GLP2R: variants seen among roughly 807,000 people sequenced by gnomAD.
GLP2R encodes glucagon like peptide 2 receptor, also known as glucagon-like peptide 2 receptor.
Under a neutral mutation model 68.2 loss-of-function variants are expected in GLP2R, and 59 were observed. The observed-to-expected ratio is 0.87, with a 90% confidence interval of 0.70 to 1.07. The LOEUF is 1.07. GLP2R is among the 50% of genes least tolerant of loss of function. The pLI is 0.00. For synonymous variants in GLP2R, 270 were observed against 265.4 expected (o/e 1.02, Z -0.17); for missense variants, 548 against 677.4 (o/e 0.81, Z 2.12).
At chr17:9,831,812 G>A (rs745916175) in intron 1 of GLP2R, among the ~76,000 whole-genome samples, 7 of 152,164 alleles carry the variant, frequency 4.6e-5, no homozygotes, top group Non-Finnish European at 1.0e-4. Context: ...AAGGAAGACA[G>A]GGTTGGACAG....
At chr17:9,851,399 C>T (rs1348858394) in intron 4 of GLP2R, among the ~76,000 whole-genome samples, 7 of 151,964 alleles carry the variant, frequency 4.6e-5, no homozygotes, top group Admixed American at 3.9e-4. Flanking sequence ...AATTGACACC[C>T]TATTTGTGAA....
chr17:9,866,133 C>G (rs1044056694), intron 9 of GLP2R: 1 of 334,532 alleles, frequency 3.0e-6, no homozygotes, highest in African/African-American at 2.2e-5. Context: ...AAAGGCCATG[C>G]AGAAAGAAGT....
chr17:9,864,242 C>G (rs953707648), intron 9 of GLP2R, among the ~76,000 whole-genome samples: 1 of 152,226 alleles, frequency 6.6e-6, no homozygotes, highest in Admixed American at 6.5e-5. Flanking sequence ...GCACCAGCAT[C>G]GCCTGAGCGC....
At chr17:9,868,529 TG>T (rs2067062022) in intron 9 of GLP2R, among the ~76,000 whole-genome samples, 1 of 152,178 alleles carries the variant, frequency 6.6e-6, no homozygotes, top group Non-Finnish European at 1.5e-5. Context: ...AGGAGTTGGC[TG>T]GGTTCTTGGA....
chr17:9,852,102 G>A (rs989454842), intron 4 of GLP2R, among the ~76,000 whole-genome samples: 12 of 150,668 alleles, frequency 8.0e-5, no homozygotes, highest in African/African-American at 4.9e-5. Context: ...TGTGCAGAAC[G>A]GGCAGGTTTG....
Position 9,825,987 on chromosome 17 carries a change from T to C in GLP2R, c.-77T>C. The C allele has an allele frequency of 8.5e-7, 1 of 1,180,884 alleles. No homozygotes were observed. Among genetic ancestry groups the C allele is most frequent in the Admixed American group, 2.4e-5 (1 of 41,048 alleles). The allele number at this position is 1,180,884 out of a possible 1,614,324, so 73.2% of individuals were successfully genotyped here. A position where few individuals can be genotyped will look rare whatever the true frequency, so the allele number is the denominator to read the frequency against. On this transcript the variant is annotated 5_prime_UTR_variant, in exon 1 of 13. The change abolishes an upstream ATG in the 5' untranslated region. Coordinates refer to ENST00000262441, the MANE Select transcript of GLP2R (RefSeq NM_004246.3). ...CATTTCCTCTGTGGACCAAGAGGAA[T>C]GCAAGAGGAGGCTGCCTGCGGTGCA...
chr17:9,859,876 C>T (rs2066970985), intron 6 of GLP2R, 66 bp from the exon 7 acceptor site: 1 of 940,412 alleles, frequency 1.1e-6, no homozygotes, highest in Non-Finnish European at 1.5e-6. Context: ...GGAGGCCCTT[C>T]TCCCCCGACT....
At chr17:9,881,124 G>A (rs1315245137) in intron 11 of GLP2R, among the ~76,000 whole-genome samples, 2 of 152,264 alleles carry the variant, frequency 1.3e-5, no homozygotes, top group Middle Eastern at 3.4e-3. Context: ...ACCTAGTAGG[G>A]ATGGCTAACC....
At chr17:9,841,055 C>T (rs1200525795) in intron 3 of GLP2R, among the ~76,000 whole-genome samples, 2 of 146,326 alleles carry the variant, frequency 1.4e-5, no homozygotes, top group Non-Finnish European at 3.0e-5. Flanking sequence ...CTCCCTCTGT[C>T]ACCCAGGCTA....
At chr17:9,875,537 G>A (rs2067135431) in intron 10 of GLP2R, among the ~76,000 whole-genome samples, 2 of 152,222 alleles carry the variant, frequency 1.3e-5, no homozygotes, top group Admixed American at 1.3e-4. Flanking sequence ...CCCTGCCAAA[G>A]AGGCAAGTTG....
At position 9,854,572 on chromosome 17, in the gene GLP2R, C is replaced by T; in HGVS notation, c.582C>T (p.Phe194=). 6.2e-7 allele frequency: 1 copy of T among 1,609,652 alleles called. No homozygotes were observed. The highest frequency in any genetic ancestry group is 8.5e-7 in the Non-Finnish European group (1 of 1,175,944). ...ACTCCTTCTCTCTTATCTCCCTCTT[C>T]CTGGCTCTCACCCTCCTCTTGTTTC... ...VGYSFSLISL[F]LALTLLLFLR... is the part of the protein sequence containing the mutation. Residue 194 remains phenylalanine (F), a synonymous_variant, in exon 5 of 13, where the codon TTC becomes TTT. Transcript: ENST00000262441.
intron 2 of GLP2R, chr17:9,834,886 A>C (rs1204531298): frequency 1.3e-5 from 2 of 152,270 alleles, no homozygotes; most frequent in Non-Finnish European, 2.9e-5. Flanking sequence ...ATCCAGAGCC[A>C]TGCCATGCAC....
At chr17:9,859,028 TCTAA>T (rs1449650174) in intron 6 of GLP2R, among the ~76,000 whole-genome samples, 2 of 152,290 alleles carry the variant, frequency 1.3e-5, no homozygotes, top group Non-Finnish European at 2.9e-5. Flanking sequence ...CTATTCTTTT[TCTAA>T]CTTTTTTTTA....
intron 11 of GLP2R, among the ~76,000 whole-genome samples, chr17:9,886,162 G>A (rs1010759505): frequency 6.6e-6 from 1 of 152,210 alleles, no homozygotes; most frequent in Non-Finnish European, 1.5e-5. Flanking sequence ...GGCAAGAACA[G>A]GCATCAGCCC....
At position 9,860,602 on chromosome 17, in the gene GLP2R, A is replaced by G. The variant is rs569729402; in HGVS notation, c.925+501A>G. Among the ~76,000 whole-genome samples, 82 of 152,268 alleles carry G rather than the reference A, an allele frequency of 5.4e-4. 1 individual carries two copies. In the South Asian group the frequency reaches 0.016, roughly 30 times the overall value. On this transcript the variant is annotated intron_variant, in intron 7 of 12. Transcript: ENST00000262441. ...TTAAAAGGGCACTAATCCTGTCATG[A>G]GGACCCCACCCTCATGATCTCAGCT...
chr17:9,833,767 T>C (rs764219191), intron 1 of GLP2R, 40 bp from the exon 2 acceptor site: 7 of 1,259,492 alleles, frequency 5.6e-6, no homozygotes. Flanking sequence ...GCCACATCTG[T>C]GCTTGGTCAC....
intron 9 of GLP2R, chr17:9,865,705 C>T (rs1182500053): frequency 2.4e-6 from 1 of 419,964 alleles, no homozygotes; most frequent in African/African-American, 2.1e-5. Context: ...TTATTAATCT[C>T]TCTATCCCCT....
chr17:9,858,368 C>T (rs2152038963), intron 6 of GLP2R, among the ~76,000 whole-genome samples: 1 of 152,312 alleles, frequency 6.6e-6, no homozygotes, highest in South Asian at 2.1e-4. Flanking sequence ...TATTTTCTTT[C>T]TCCTAAGTTG....
intron 3 of GLP2R, among the ~76,000 whole-genome samples, chr17:9,837,420 G>A (rs966597284): frequency 1.3e-5 from 2 of 152,150 alleles, no homozygotes; most frequent in African/African-American, 4.8e-5. Flanking sequence ...GCTGCAGTGG[G>A]GGTAAGAATG....
Sources: gnomAD v4.1 joint callset for allele counts (sites outside exome capture counted in the v4.1 genomes callset) on GRCh38, gnomAD v4.1.1 for gene constraint, MANE v1.5 for transcripts, NCBI Gene and HGNC (gene_info 2026-07-23, HGNC 2026-07-21) for gene names.